The following FGF12 variants were observed in gnomAD, a reference collection of about 807,000 sequenced individuals.
FGF12 encodes the protein fibroblast growth factor 12B.
FGF12 carries 14 observed loss-of-function variants against 23.6 expected under a neutral mutation model. The ratio of observed to expected loss-of-function variants is 0.59; its 90% CI spans 0.39 to 0.93. The LOEUF (loss-of-function observed/expected upper bound fraction) is 0.93. Ranked by LOEUF, FGF12 falls within the 40% of genes least tolerant of loss-of-function variation. The probability of loss-of-function intolerance (pLI) is 0.00; values close to 1 mark genes in which losing one functional copy is unlikely to be tolerated. For missense variants in FGF12, 175 were observed against 217.8 expected, an observed-to-expected ratio of 0.80 and a Z score of 1.24; for synonymous variants, 62 against 77.3, an observed-to-expected ratio of 0.80 and a Z score of 1.04.
At chr3:192,568,454 G>C (rs73060503) in intron 2 of FGF12, among the ~76,000 whole-genome samples, 2,060 of 152,170 alleles carry the variant, frequency 0.014, 41 homozygotes, top group African/African-American at 0.047. Context: ...CCATTTTGCT[G>C]TATCCTCTCC....
chr3:192,619,026 T>C (rs1388386244), intron 2 of FGF12, among the ~76,000 whole-genome samples: 1 of 151,772 alleles, frequency 6.6e-6, no homozygotes, highest in Non-Finnish European at 1.5e-5. Context: ...ATGTAATATA[T>C]ACAAGGGATT....
Position 192,528,384 on chromosome 3 carries a change from G to T in FGF12, c.14-167846C>A, listed in dbSNP as rs573842504. Reference sequence around the variant, plus strand: ...GGTCCAGGTCACACTGATGCAAGAGGTGGGTCCCCATGCTCTTGGGCAGCT... The same window carrying T: ...GGTCCAGGTCACACTGATGCAAGAGTTGGGTCCCCATGCTCTTGGGCAGCT... On this transcript the variant is annotated intron_variant, in intron 2 of 5. Transcript: ENST00000445105. Among the ~76,000 whole-genome samples, 3 of 152,178 alleles carry T rather than the reference G, an allele frequency of 2.0e-5. 1 individual carries two copies. Among genetic ancestry groups the T allele is most frequent in the Non-Finnish European group, 4.4e-5 (3 of 68,044 alleles).
intron 4 of FGF12, among the ~76,000 whole-genome samples, chr3:192,261,467 T>TA (rs2108617530): frequency 6.6e-6 from 1 of 152,286 alleles, no homozygotes; most frequent in East Asian, 1.9e-4. Flanking sequence ...GGAGAGGATT[T>TA]AACTGTTGAT....
At chr3:192,256,726 A>G (rs76012880) in intron 4 of FGF12, among the ~76,000 whole-genome samples, 97 of 152,210 alleles carry the variant, frequency 6.4e-4, no homozygotes, top group African/African-American at 2.2e-3. Context: ...TAAAAGTCTT[A>G]TTGGAGAATA....
At chr3:192,323,717 C>T (rs912964996) in intron 4 of FGF12, among the ~76,000 whole-genome samples, 3 of 152,084 alleles carry the variant, frequency 2.0e-5, no homozygotes, top group African/African-American at 7.2e-5. Flanking sequence ...GTTTGTAACA[C>T]AAAGAAAGGG....
At chr3:192,420,073 T>G (rs2108783544) in intron 2 of FGF12, among the ~76,000 whole-genome samples, 1 of 152,222 alleles carries the variant, frequency 6.6e-6, no homozygotes, top group African/African-American at 2.4e-5. Flanking sequence ...TACAGTGGAT[T>G]CTATGGAAGA....
chr3:192,478,321 C>A (rs1386982214), intron 2 of FGF12, among the ~76,000 whole-genome samples: 1 of 152,092 alleles, frequency 6.6e-6, no homozygotes, highest in African/African-American at 2.4e-5. Flanking sequence ...TACTTATAGT[C>A]TTACAGCTAA....
At chr3:192,710,799 C>A (rs1718637854) in intron 2 of FGF12, among the ~76,000 whole-genome samples, 1 of 152,182 alleles carries the variant, frequency 6.6e-6, no homozygotes, top group African/African-American at 2.4e-5. Context: ...GCATAGTGGA[C>A]AGAGTGAATA....
At chr3:192,432,167 A>G (rs3892203) in intron 2 of FGF12, among the ~76,000 whole-genome samples, 92,794 of 152,054 alleles carry the variant, frequency 0.61, 28,714 homozygotes, top group African/African-American at 0.72. Flanking sequence ...TGTCCTAAGT[A>G]CTAACAAAGA....
intron 2 of FGF12, among the ~76,000 whole-genome samples, chr3:192,538,993 A>C (rs892313934): frequency 3.9e-5 from 6 of 152,164 alleles, no homozygotes; most frequent in African/African-American, 1.4e-4. Flanking sequence ...TTAATTTTGT[A>C]TCCTGCAACT....
chr3:192,543,643 G>A (rs983913529), intron 2 of FGF12, among the ~76,000 whole-genome samples: 1 of 151,790 alleles, frequency 6.6e-6, no homozygotes, highest in Non-Finnish European at 1.5e-5. Flanking sequence ...GCATGTCTTT[G>A]AGTCTCACCC....
At chr3:192,680,496 C>G (rs1299601206) in intron 2 of FGF12, among the ~76,000 whole-genome samples, 1 of 152,044 alleles carries the variant, frequency 6.6e-6, no homozygotes, top group Non-Finnish European at 1.5e-5. Context: ...AGGGGTTATT[C>G]AGGTCATCAC....
intron 2 of FGF12, among the ~76,000 whole-genome samples, chr3:192,699,227 G>C (rs1718220410): frequency 6.6e-6 from 1 of 152,080 alleles, no homozygotes; most frequent in Non-Finnish European, 1.5e-5. Flanking sequence ...GAGGGTTTGG[G>C]CAACACATCA....
At chr3:192,460,123 G>T (rs554288558) in intron 2 of FGF12, among the ~76,000 whole-genome samples, 3 of 152,246 alleles carry the variant, frequency 2.0e-5, no homozygotes, top group African/African-American at 7.2e-5. Flanking sequence ...CTTGTGGGAG[G>T]GGGGAGTTAG....
intron 2 of FGF12, among the ~76,000 whole-genome samples, chr3:192,384,763 G>GACA (rs1387681972): frequency 6.6e-6 from 1 of 152,172 alleles, no homozygotes; most frequent in Non-Finnish European, 1.5e-5. Flanking sequence ...CTCCGGGGGT[G>GACA]ACATTCACTG....
At chr3:192,647,741 G>GTA (rs1194870780) in intron 2 of FGF12, among the ~76,000 whole-genome samples, 1 of 145,094 alleles carries the variant, frequency 6.9e-6, no homozygotes, top group Non-Finnish European at 1.5e-5. Context: ...ATACATACAT[G>GTA]TATATATACA....
intron 2 of FGF12, among the ~76,000 whole-genome samples, chr3:192,552,375 G>A (rs60897017): frequency 0.012 from 1,887 of 151,600 alleles, 48 homozygotes; most frequent in African/African-American, 0.044. Context: ...AGAAAAAGAA[G>A]CAAAAAACAA....
intron 4 of FGF12, among the ~76,000 whole-genome samples, chr3:192,211,495 G>A (rs143465036): frequency 0.13 from 19,649 of 151,944 alleles, 1,414 homozygotes; most frequent in African/African-American, 0.2. Context: ...GCGCAATCTC[G>A]GCTCACTGCA....
At chr3:192,637,197 G>A (rs1715614378) in intron 2 of FGF12, among the ~76,000 whole-genome samples, 2 of 152,206 alleles carry the variant, frequency 1.3e-5, no homozygotes, top group African/African-American at 4.8e-5. Context: ...TGACACTTCA[G>A]TGATGCCAAG....
Sources: gnomAD v4.1 joint callset for allele counts (sites outside exome capture counted in the v4.1 genomes callset) on GRCh38, gnomAD v4.1.1 for gene constraint, MANE v1.5 for transcripts, NCBI Gene and HGNC (gene_info 2026-07-23, HGNC 2026-07-21) for gene names.